MAU2: variants seen among roughly 807,000 people sequenced by gnomAD.
MAU2 encodes the protein MAU2 chromatid cohesion factor homolog.
In MAU2, 9 loss-of-function variants were observed where a neutral mutation model predicts 89.1. That is an observed-to-expected ratio of 0.10 (90% CI 0.06 to 0.18). MAU2 has a LOEUF of 0.18. Among genes scored for constraint, MAU2 ranks in the 10% least tolerant of loss-of-function variants. The pLI is 1.00. For missense variants in MAU2, 425 were observed against 803.5 expected, an observed-to-expected ratio of 0.53 and a Z score of 5.69; for synonymous variants, 357 against 343.4, an observed-to-expected ratio of 1.04 and a Z score of -0.44.
At chr19:19,354,723 C>G (rs2048158146) in intron 17 of MAU2, 2 of 486,310 alleles carry the variant, frequency 4.1e-6, no homozygotes, top group Non-Finnish European at 7.5e-6. Flanking sequence ...CCGTGGCGCT[C>G]TCAGCCTTGC....
At position 19,347,382 on chromosome 19, in the gene MAU2, C is replaced by T; in HGVS notation, c.1308+16C>T. ...CCAAGAGGTAGTAGGTGACATGCTT[C>T]ATGTTCGGTATCCTTTCTCTCTGTT... On this transcript the variant is annotated intron_variant, in intron 13 of 18. Coordinates refer to ENST00000262815, the MANE Select transcript of MAU2 (RefSeq NM_015329.4). 1.3e-6 allele frequency: 2 copies of T among 1,584,282 alleles called. No individual in the cohort carries two copies. Among genetic ancestry groups the T allele is most frequent in the African/African-American group, 1.3e-5 (1 of 74,474 alleles).
chr19:19,321,394 A>C, intron 1 of MAU2: 2 of 446,398 alleles, frequency 4.5e-6, no homozygotes, highest in South Asian at 3.7e-5. Context: ...CGTACTCTGA[A>C]AGTTGCCTGT....
intron 1 of MAU2, chr19:19,334,159 C>A (rs117394920): frequency 0.042 from 41,046 of 985,186 alleles, 963 homozygotes; most frequent in Non-Finnish European, 0.046. Context: ...CACGTTGCCA[C>A]TGTCCCCACA....
chr19:19,339,891 G>A (rs1292402509), intron 5 of MAU2, among the ~76,000 whole-genome samples: 8 of 151,296 alleles, frequency 5.3e-5, no homozygotes, highest in South Asian at 2.1e-4. Flanking sequence ...AGGCATGGCC[G>A]GGCGCAGTGG....
chr19:19,330,802 G>A (rs919503352), intron 1 of MAU2, among the ~76,000 whole-genome samples: 8 of 152,148 alleles, frequency 5.3e-5, no homozygotes, highest in South Asian at 2.1e-4. Flanking sequence ...TTGGGAGACC[G>A]AGCCAGGAGG....
At position 19,358,092 on chromosome 19, in the gene MAU2, A is replaced by G. The variant is rs958223974; in HGVS notation, c.*2310A>G. ...GAGACTTTGTCTCAAAAAAAAAAAA[A>G]AAAACAATGGAAGGCAGACAGCAAG... On this transcript the variant is annotated 3_prime_UTR_variant, in exon 19 of 19. Coordinates refer to ENST00000262815, the MANE Select transcript of MAU2 (RefSeq NM_015329.4). 1.3e-5 allele frequency: 2 copies of G among 152,178 alleles called. No individual in the cohort carries two copies. The highest frequency in any genetic ancestry group is 2.9e-5 in the Non-Finnish European group (2 of 68,086). 9.4% of individuals were successfully genotyped at this position (152,178 alleles called of 1,614,324 possible).
intron 4 of MAU2, 39 bp downstream of exon 4, chr19:19,337,304 G>A (rs1279420037): frequency 1.3e-6 from 2 of 1,533,948 alleles, no homozygotes; most frequent in South Asian, 2.3e-5. Context: ...GCCCGGCAGG[G>A]ACCATGACCC....
rs370354072 is a variant in MAU2 at position 19,355,827 on chromosome 19, G to C, written c.*45G>C. 15 of 1,552,994 alleles carry C rather than the reference G, an allele frequency of 9.7e-6. No homozygotes were observed. The highest frequency in any genetic ancestry group is 1.3e-5 in the Non-Finnish European group (15 of 1,137,380). ...AGCTCCGCAGGGCCTGCGCGTCTCC[G>C]GCTTCCACCCAGACGGCACTCAAGC... On this transcript the variant is annotated 3_prime_UTR_variant, in exon 19 of 19. Transcript: ENST00000262815.
chr19:19,355,169 C>T, intron 17 of MAU2, 95 bp from the exon 18 acceptor site: 4 of 1,496,716 alleles, frequency 2.7e-6, no homozygotes, highest in Non-Finnish European at 3.6e-6. Context: ...ACCAGTGCAG[C>T]TGGGACTTGA....
At chr19:19,330,511 CG>C (rs2061547143) in intron 1 of MAU2, among the ~76,000 whole-genome samples, 1 of 152,006 alleles carries the variant, frequency 6.6e-6, no homozygotes, top group Non-Finnish European at 1.5e-5. Flanking sequence ...GAGGCCAAGG[CG>C]GGTGCATCAC....
At chr19:19,331,595 A>T (rs2061555957) in intron 1 of MAU2, among the ~76,000 whole-genome samples, 1 of 152,068 alleles carries the variant, frequency 6.6e-6, no homozygotes, top group African/African-American at 2.4e-5. Context: ...CTGATTTCCA[A>T]ATATATGCTA....
chr19:19,327,972 A>G (rs964398938), intron 1 of MAU2, among the ~76,000 whole-genome samples: 1 of 151,740 alleles, frequency 6.6e-6, no homozygotes, highest in Admixed American at 6.6e-5. Flanking sequence ...GCAGTGACCA[A>G]CCTGGGCACT....
intron 1 of MAU2, among the ~76,000 whole-genome samples, chr19:19,332,661 GCTCA>G (rs2061565319): frequency 6.6e-6 from 1 of 152,096 alleles, no homozygotes; most frequent in Non-Finnish European, 1.5e-5. Flanking sequence ...GCTCACCAGT[GCTCA>G]CTGAGAGCCT....
chr19:19,344,683 G>A (rs2061679784), intron 10 of MAU2, 166 bp from the exon 11 acceptor site: 4 of 640,928 alleles, frequency 6.2e-6, no homozygotes, highest in Non-Finnish European at 1.1e-5. Context: ...GATGGGATCT[G>A]GGCTGCCCTT....
chr19:19,348,875 T>C lies in MAU2; in HGVS notation c.1309-14T>C, dbSNP rs1439153692. On this transcript the variant is annotated splice_polypyrimidine_tract_variant and intron_variant, in intron 13 of 18. Transcript: ENST00000262815. ...AAGATGCAGAATGGTGCTGACTGGC[T>C]CTTTCCCCCGCAGCTCTACAGTCTG... 1.2e-6 allele frequency: 2 copies of C among 1,613,934 alleles called. No homozygotes were observed. Among genetic ancestry groups the C allele is most frequent in the Non-Finnish European group, 8.5e-7 (1 of 1,179,998 alleles).
intron 1 of MAU2, among the ~76,000 whole-genome samples, chr19:19,325,150 T>C (rs953734581): frequency 1.3e-5 from 2 of 152,136 alleles, no homozygotes; most frequent in Admixed American, 6.6e-5. Flanking sequence ...CTGCTGTTCT[T>C]TTTATTTTTA....
rs1484905497 is a variant in MAU2, at chr19:19,355,266, C to G, written c.1642C>G (p.Leu548Val). ...CCATGCTCATGTCCCACTCTCAGAC[C>G]TGAATAAAGCCTGTGGGAACGCCAT... The part of the protein sequence containing the change: ...QLWSSALLRD[L>V]NKACGNAMDA... The change falls in exon 18 of 19, where the codon CTG becomes GTG. Residue 548 changes from leucine (L) to valine (V), a missense_variant and splice_region_variant. Physicochemically the swap from Leu to Val is conservative, Grantham distance 32 (BLOSUM62 1). Around this residue, in one of 11 missense-constraint regions of MAU2, gnomAD observed 33 missense variants for 94.1 expected, o/e 0.35. Transcript: ENST00000262815. The G allele has an allele frequency of 6.2e-7, 1 of 1,613,888 alleles. No individual in the cohort carries two copies. Among genetic ancestry groups the G allele is most frequent in the Non-Finnish European group, 8.5e-7 (1 of 1,180,000 alleles).
chr19:19,344,482 G>A (rs1224802715), intron 10 of MAU2: 1 of 333,402 alleles, frequency 3.0e-6, no homozygotes, highest in Admixed American at 4.2e-5. Flanking sequence ...AGCGCACATG[G>A]TCTCTGGGGA....
chr19:19,338,967 C>T, intron 5 of MAU2, 28 bp downstream of exon 5: 2 of 1,576,070 alleles, frequency 1.3e-6, no homozygotes, highest in Non-Finnish European at 1.7e-6. Context: ...TCCTTCCCTC[C>T]TGCTCTGTTA....
Sources: gnomAD v4.1 joint callset for allele counts (sites outside exome capture counted in the v4.1 genomes callset) on GRCh38, gnomAD v4.1.1 for gene constraint, gnomAD v4.1.1 regional missense constraint, MANE v1.5 for transcripts, NCBI Gene and HGNC (gene_info 2026-07-23, HGNC 2026-07-21) for gene names.